The following FHDC1 variants were observed in gnomAD, a reference collection of about 807,000 sequenced individuals.
The protein encoded by FHDC1 is FH2 domain-containing protein 1.
In FHDC1, 25 loss-of-function variants were observed where a neutral mutation model predicts 52.6. The ratio of observed to expected loss-of-function variants is 0.48; its 90% confidence interval spans 0.35 to 0.66. The LOEUF (loss-of-function observed/expected upper bound fraction) is 0.66. Among genes scored for constraint, FHDC1 ranks in the 30% least tolerant of loss-of-function variants. FHDC1 has a pLI of 0.01. For synonymous variants in FHDC1, 616 were observed against 581.5 expected (o/e 1.06, Z -0.85); for missense variants, 1,459 against 1,452.8 (o/e 1.00, Z -0.07).
chr4:152,966,182 C>T (rs1445494784), intron 9 of FHDC1, among the ~76,000 whole-genome samples: 2 of 152,092 alleles, frequency 1.3e-5, no homozygotes, highest in Non-Finnish European at 2.9e-5. Context: ...TTTGAAATGG[C>T]GTTTCTGGTC....
At chr4:152,911,785 T>C in the FHDC1 span, 1 of 152,728 alleles carries the variant, frequency 6.5e-6, no homozygotes. Context: ...TTCCTGTATA[T>C]TTGTACTCAG....
At chr4:152,972,269 C>G in intron 10 of FHDC1, 108 bp from the exon 11 acceptor site, 1 of 1,163,546 alleles carries the variant, frequency 8.6e-7, no homozygotes. Context: ...TTTCCAAGAC[C>G]TGAAATGAAA....
chr4:152,940,166 T>G (rs1739535598), intron 1 of FHDC1, among the ~76,000 whole-genome samples: 1 of 152,204 alleles, frequency 6.6e-6, no homozygotes, highest in Non-Finnish European at 1.5e-5. Flanking sequence ...TCTTTCACAT[T>G]GGACATCCTG....
chr4:152,966,505 G>A (rs765020613), intron 9 of FHDC1, among the ~76,000 whole-genome samples: 1 of 151,996 alleles, frequency 6.6e-6, no homozygotes, highest in African/African-American at 2.4e-5. Context: ...TGTCACCCAG[G>A]CTGGAGTTCA....
Position 152,976,384 on chromosome 4 carries a change from T to C in FHDC1, c.3093T>C (p.Arg1031=). ...CCAGCGTCCCCCACGAACTACCCCGTGTCCCGAGCTTTGCCCGGAACACAG... is the reference window on the plus strand; with the variant it reads ...CCAGCGTCCCCCACGAACTACCCCGCGTCCCGAGCTTTGCCCGGAACACAG... The part of the protein sequence containing the change: ...SVPSVPHELP[R]VPSFARNTVA... The change falls in exon 12 of 12, where the codon CGT becomes CGC. Residue 1031 remains arginine (R), a synonymous_variant. Transcript: ENST00000511601. 1 of 1,613,770 alleles carries C rather than the reference T, an allele frequency of 6.2e-7. No individual in the cohort carries two copies. Among genetic ancestry groups the C allele is most frequent in the Non-Finnish European group, 8.5e-7 (1 of 1,180,006 alleles).
the FHDC1 span, among the ~76,000 whole-genome samples, chr4:152,925,896 G>GAA: frequency 2.6e-5 from 4 of 151,058 alleles, no homozygotes; most frequent in African/African-American, 4.9e-5. Flanking sequence ...AGGAGGAGGA[G>GAA]GGAGAAGGAG....
intron 8 of FHDC1, among the ~76,000 whole-genome samples, chr4:152,964,342 G>C (rs1304807025): frequency 1.3e-5 from 2 of 152,216 alleles, no homozygotes; most frequent in Non-Finnish European, 2.9e-5. Flanking sequence ...GCCCAGCAAG[G>C]GTCGTGGATA....
chr4:152,919,585 C>T, the FHDC1 span, among the ~76,000 whole-genome samples: 4 of 152,000 alleles, frequency 2.6e-5, no homozygotes, highest in African/African-American at 9.7e-5. Flanking sequence ...TTTCTTTTTC[C>T]CCACCAGACA....
the FHDC1 span, among the ~76,000 whole-genome samples, chr4:152,912,624 C>G: frequency 1.3e-5 from 2 of 151,988 alleles, no homozygotes; most frequent in African/African-American, 2.4e-5. Context: ...TAAGCCAGTG[C>G]TGTATATATA....
chr4:152,912,739 C>A, the FHDC1 span, among the ~76,000 whole-genome samples: 1 of 152,128 alleles, frequency 6.6e-6, no homozygotes, highest in East Asian at 1.9e-4. Flanking sequence ...ATGAAAATGG[C>A]TGGCTTTTCT....
At chr4:152,967,203 A>C (rs1273305574) in intron 9 of FHDC1, among the ~76,000 whole-genome samples, 2 of 152,200 alleles carry the variant, frequency 1.3e-5, no homozygotes, top group African/African-American at 4.8e-5. Flanking sequence ...AGGTGGGCAG[A>C]TCATTTGAGC....
the FHDC1 span, among the ~76,000 whole-genome samples, chr4:152,923,184 A>G: frequency 3.3e-5 from 5 of 152,218 alleles, no homozygotes; most frequent in Non-Finnish European, 5.9e-5. Flanking sequence ...ATCAATGTAC[A>G]AAAATCACAA....
intron 2 of FHDC1, among the ~76,000 whole-genome samples, chr4:152,949,768 T>G (rs1216337845): frequency 6.6e-6 from 1 of 152,210 alleles, no homozygotes; most frequent in African/African-American, 2.4e-5. Context: ...GCGGGGAAAC[T>G]GTGAGTAGAG....
intron 8 of FHDC1, among the ~76,000 whole-genome samples, chr4:152,963,999 A>G (rs188933577): frequency 6.6e-6 from 1 of 151,934 alleles, no homozygotes. Context: ...CTTGTTTTGA[A>G]TGTGAGCTTC....
chr4:152,937,027 G>A (rs1739404086), intron 1 of FHDC1, among the ~76,000 whole-genome samples: 1 of 152,236 alleles, frequency 6.6e-6, no homozygotes, highest in Admixed American at 6.5e-5. Flanking sequence ...TGCGCCCCGC[G>A]CCTGCAGGAG....
chr4:152,975,877 A>G lies in FHDC1; in HGVS notation c.2586A>G (p.Pro862=). The G allele has an allele frequency of 6.6e-7, 1 of 1,515,150 alleles. No individual in the cohort carries two copies. The highest frequency in any genetic ancestry group is 8.8e-7 in the Non-Finnish European group (1 of 1,133,906). The allele number at this position is 1,515,150 out of a possible 1,614,324, so 93.9% of individuals were successfully genotyped here. Residue 862 remains proline, a synonymous_variant, in exon 12 of 12, where the codon CCA becomes CCG. Transcript: ENST00000511601. ...KPTKRKDVVA[P]KRGSLKEASP... ...CCAAAAGGAAAGATGTTGTAGCACC[A>G]AAGAGAGGCTCCCTGAAAGAGGCGT...
the FHDC1 span, among the ~76,000 whole-genome samples, chr4:152,919,575 T>C: frequency 3.9e-5 from 6 of 152,220 alleles, no homozygotes; most frequent in Admixed American, 3.9e-4. Flanking sequence ...ATCTTAATAC[T>C]TTCTTTTTCC....
At chr4:152,942,833 A>T (rs1260611239) in intron 1 of FHDC1, 95 bp from the exon 2 acceptor site, 1 of 470,510 alleles carries the variant, frequency 2.1e-6, no homozygotes, top group African/African-American at 2.0e-5. Flanking sequence ...TTCATATCCA[A>T]CTCATATGGG....
chr4:152,928,067 T>C, the FHDC1 span: 3 of 1,382,754 alleles, frequency 2.2e-6, no homozygotes, highest in African/African-American at 4.3e-5. Flanking sequence ...TGCTGCAGTC[T>C]GTATCAGCAT....
Sources: gnomAD v4.1 joint callset for allele counts (sites outside exome capture counted in the v4.1 genomes callset) on GRCh38, gnomAD v4.1.1 for gene constraint, MANE v1.5 for transcripts, NCBI Gene and HGNC (gene_info 2026-07-23, HGNC 2026-07-21) for gene names.